PHLDB2: variants seen among roughly 807,000 people sequenced by gnomAD.
The protein encoded by PHLDB2 is pleckstrin homology like domain family B member 2.
A neutral mutation model predicts 123.6 loss-of-function variants in PHLDB2; 71 were observed. The ratio of observed to expected loss-of-function variants is 0.57; its 90% confidence interval spans 0.47 to 0.70. The LOEUF (loss-of-function observed/expected upper bound fraction) is 0.70. Among genes scored for constraint, PHLDB2 ranks in the 30% least tolerant of loss-of-function variants. The pLI is 0.00. For missense variants in PHLDB2, 1,446 were observed against 1,519.5 expected (o/e 0.95, Z 0.80); for synonymous variants, 547 against 541.6 (o/e 1.01, Z -0.14).
chr3:111,808,535 C>T (rs1041740316), intron 1 of PHLDB2, among the ~76,000 whole-genome samples: 1 of 151,014 alleles, frequency 6.6e-6, no homozygotes, highest in African/African-American at 2.4e-5. Flanking sequence ...AGAGGGTACA[C>T]ATGCAGGTTT....
intron 5 of PHLDB2, 92 bp from the exon 6 acceptor site, chr3:111,932,177 T>A: frequency 1.5e-6 from 2 of 1,355,306 alleles, no homozygotes; most frequent in Non-Finnish European, 2.0e-6. Context: ...TTTGTGTATG[T>A]TTGTTTATGT....
intron 1 of PHLDB2, among the ~76,000 whole-genome samples, chr3:111,880,916 T>C (rs1416192603): frequency 6.6e-6 from 1 of 152,202 alleles, no homozygotes; most frequent in East Asian, 1.9e-4. Flanking sequence ...CAAATCTGTT[T>C]CTAAAATATC....
chr3:111,920,026 C>A (rs1179449051), intron 4 of PHLDB2, among the ~76,000 whole-genome samples: 3 of 152,164 alleles, frequency 2.0e-5, no homozygotes, highest in Admixed American at 2.0e-4. Flanking sequence ...GAGAAGTGAG[C>A]AGAAGAGGGG....
chr3:111,756,865 A>G (rs2107992677), intron 1 of PHLDB2, among the ~76,000 whole-genome samples: 1 of 152,094 alleles, frequency 6.6e-6, no homozygotes, highest in Non-Finnish European at 1.5e-5. Context: ...ATCTCTCAGC[A>G]TTTGCTTGTC....
chr3:111,938,728 T>G (rs971982593), intron 6 of PHLDB2, among the ~76,000 whole-genome samples: 16 of 152,168 alleles, frequency 1.1e-4, no homozygotes, highest in African/African-American at 3.6e-4. Flanking sequence ...GACTCTTTAA[T>G]CTCCACATTA....
intron 17 of PHLDB2, 140 bp downstream of exon 17, chr3:111,973,957 A>G (rs560242720): frequency 3.9e-6 from 2 of 519,258 alleles, no homozygotes; most frequent in East Asian, 3.0e-5. Flanking sequence ...AAAAGTAAAC[A>G]TGAAGTAAGT....
chr3:111,832,606 CTA>C (rs1172926036), intron 1 of PHLDB2, among the ~76,000 whole-genome samples: 2 of 142,584 alleles, frequency 1.4e-5, no homozygotes, highest in Admixed American at 7.4e-5. Flanking sequence ...TATATTATCT[CTA>C]TATATATAGA....
At chr3:111,877,610 C>G (rs1023848591) in intron 1 of PHLDB2, among the ~76,000 whole-genome samples, 2 of 152,136 alleles carry the variant, frequency 1.3e-5, no homozygotes, top group Admixed American at 6.5e-5. Flanking sequence ...GTTGCCATTG[C>G]TTTTGGTGTT....
At chr3:111,758,438 G>GT (rs1259389720) in intron 1 of PHLDB2, among the ~76,000 whole-genome samples, 1 of 152,202 alleles carries the variant, frequency 6.6e-6, no homozygotes, top group African/African-American at 2.4e-5. Context: ...CTGGTGCGCT[G>GT]TTTTTTAAGC....
chr3:111,924,880 G>A (rs573927115), intron 5 of PHLDB2, among the ~76,000 whole-genome samples: 5 of 152,270 alleles, frequency 3.3e-5, no homozygotes, highest in Admixed American at 3.3e-4. Context: ...CCAGGCTGGA[G>A]TGCAGTGGCT....
intron 2 of PHLDB2, among the ~76,000 whole-genome samples, chr3:111,910,643 A>G (rs2067831684): frequency 6.6e-6 from 1 of 152,130 alleles, no homozygotes; most frequent in South Asian, 2.1e-4. Context: ...GTCATTCTGG[A>G]TTTGGGTCAT....
chr3:111,733,851 G>A (rs1360678540), intron 1 of PHLDB2, among the ~76,000 whole-genome samples: 2 of 152,226 alleles, frequency 1.3e-5, no homozygotes, highest in African/African-American at 4.8e-5. Flanking sequence ...GGCCTGTGCA[G>A]TGGTTCCTGG....
At chr3:111,767,657 C>T (rs2060105619) in intron 1 of PHLDB2, among the ~76,000 whole-genome samples, 1 of 152,140 alleles carries the variant, frequency 6.6e-6, no homozygotes, top group African/African-American at 2.4e-5. Flanking sequence ...AAAACTGTAC[C>T]TGGCATATAG....
chr3:111,813,770 G>A (rs2061949777), intron 1 of PHLDB2, among the ~76,000 whole-genome samples: 2 of 152,118 alleles, frequency 1.3e-5, no homozygotes, highest in Admixed American at 6.6e-5. Context: ...TAATGTATTT[G>A]GATGCATACA....
chr3:111,921,430 A>G (rs1470706149), intron 5 of PHLDB2, among the ~76,000 whole-genome samples: 1 of 152,170 alleles, frequency 6.6e-6, no homozygotes, highest in Non-Finnish European at 1.5e-5. Context: ...TTATTTGTTT[A>G]AGACCTATAA....
intron 2 of PHLDB2, among the ~76,000 whole-genome samples, chr3:111,904,134 C>T (rs989874935): frequency 1.3e-5 from 2 of 151,780 alleles, no homozygotes; most frequent in Non-Finnish European, 2.9e-5. Flanking sequence ...AAAAATTAGT[C>T]AGGTGTGGTG....
chr3:111,852,505 A>G (rs983040265), intron 2 of PHLDB2, among the ~76,000 whole-genome samples: 4 of 151,782 alleles, frequency 2.6e-5, no homozygotes, highest in Non-Finnish European at 4.4e-5. Flanking sequence ...GTATAACTGG[A>G]GGGATGATGA....
At chr3:111,911,553 G>A in intron 2 of PHLDB2, 1 of 1,442,724 alleles carries the variant, frequency 6.9e-7, no homozygotes, top group Non-Finnish European at 9.4e-7. Flanking sequence ...GAGGTGGGCA[G>A]GGCTTGGCAG....
At chr3:111,938,326 G>A (rs1237812339) in intron 6 of PHLDB2, among the ~76,000 whole-genome samples, 1 of 152,092 alleles carries the variant, frequency 6.6e-6, no homozygotes, top group Non-Finnish European at 1.5e-5. Context: ...CACCAGAGCA[G>A]TACAATTGTT....
Sources: allele counts gnomAD v4.1 joint callset (sites outside exome capture counted in the v4.1 genomes callset), GRCh38; gene constraint gnomAD v4.1.1; transcripts MANE v1.5; gene names NCBI Gene and HGNC (gene_info 2026-07-23, HGNC 2026-07-21).